Variants in PYROXD1 observed in about 807,000 individuals in gnomAD.
PYROXD1 encodes pyridine nucleotide-disulphide oxidoreductase domain 1, also known as tRNA ligase complex-associated NAD(P)H dehydrogenase PYROXD1.
A neutral mutation model predicts 62.0 loss-of-function variants in PYROXD1; 42 were observed. The observed-to-expected ratio is 0.68, with a 90% CI of 0.53 to 0.88. PYROXD1 has a LOEUF of 0.88. PYROXD1 is among the 40% of genes least tolerant of loss of function. PYROXD1 has a pLI of 0.00. For synonymous variants in PYROXD1, 170 were observed against 206.4 expected (o/e 0.82, Z 1.51); for missense variants, 493 against 604.8 (o/e 0.82, Z 1.94).
In PYROXD1 at chr12:21,467,636, A is replaced by G; in HGVS notation, c.1254+18A>G. 1 of 1,582,144 alleles carries G rather than the reference A, an allele frequency of 6.3e-7. No individual in the cohort carries two copies. Among genetic ancestry groups the G allele is most frequent in the Non-Finnish European group, 8.6e-7 (1 of 1,156,116 alleles). On this transcript the variant is annotated intron_variant, in intron 11 of 11. Transcript: ENST00000240651. Reference sequence around the variant, plus strand: ...ACTATAAGGTAAGATAGTTAAGCATATTAATGCCTTCTCTGCTTGTTAGTC... The same window carrying G: ...ACTATAAGGTAAGATAGTTAAGCATGTTAATGCCTTCTCTGCTTGTTAGTC...
intron 10 of PYROXD1, among the ~76,000 whole-genome samples, chr12:21,464,019 C>T (rs1942746052): frequency 6.6e-6 from 1 of 152,154 alleles, no homozygotes; most frequent in East Asian, 1.9e-4. Flanking sequence ...ATTTTGTGTT[C>T]TTACAGACAG....
intron 2 of PYROXD1, among the ~76,000 whole-genome samples, chr12:21,442,934 G>A (rs370914823): frequency 6.6e-6 from 1 of 152,184 alleles, no homozygotes; most frequent in East Asian, 1.9e-4. Context: ...CCATTTTCAT[G>A]CTCCACTGTG....
Position 21,455,957 on chromosome 12 carries a change from T to C in PYROXD1, c.650-38T>C, listed in dbSNP as rs2302500. On this transcript the variant is annotated intron_variant, in intron 6 of 11. Transcript: ENST00000240651. ...TTCAGAACACTAACATATTTCTCTA[T>C]CTGGTAATTTTTATATTATTTAATT... 0.49 allele frequency: 644,466 copies of C among 1,317,928 alleles called. 158,720 individuals carry two copies. The highest frequency in any genetic ancestry group is 0.56 in the Middle Eastern group (2,745 of 4,928). 81.6% of individuals were successfully genotyped at this position (1,317,928 alleles called of 1,614,324 possible). A position where few individuals can be genotyped will look rare whatever the true frequency, so the allele number is the denominator to read the frequency against.
chr12:21,449,284 T>G (rs1942447479), intron 3 of PYROXD1, among the ~76,000 whole-genome samples: 1 of 152,160 alleles, frequency 6.6e-6, no homozygotes, highest in Admixed American at 6.5e-5. Context: ...ATACAAAACT[T>G]TGTGTGAATG....
At chr12:21,466,925 A>C (rs1427716447) in intron 10 of PYROXD1, among the ~76,000 whole-genome samples, 1 of 152,144 alleles carries the variant, frequency 6.6e-6, no homozygotes, top group Non-Finnish European at 1.5e-5. Flanking sequence ...AAAACTTCAT[A>C]GAAATAAAAT....
Position 21,468,529 on chromosome 12 carries a change from T to G in PYROXD1, c.1278T>G (p.Asn426Lys). Residue 426 changes from asparagine to lysine, a missense_variant, in exon 12 of 12, where the codon AAT becomes AAG. Transcript: ENST00000240651. ...AGGTTGTACTGCTGGGAAAATACAA[T>G]GCACAGGGCTTAGGTTCAGATCATG... is the stretch of plus-strand genomic sequence containing the variant. ...NYKVVLLGKY[N>K]AQGLGSDHEL... The G allele has an allele frequency of 6.2e-7, 1 of 1,612,444 alleles. No homozygotes were observed. Among genetic ancestry groups the G allele is most frequent in the Non-Finnish European group, 8.5e-7 (1 of 1,178,904 alleles).
chr12:21,456,151 C>A, intron 7 of PYROXD1, 56 bp downstream of exon 7: 1 of 1,102,248 alleles, frequency 9.1e-7, no homozygotes, highest in Non-Finnish European at 1.3e-6. Context: ...ATTCTTGAAC[C>A]ATTTATTAAA....
intron 4 of PYROXD1, among the ~76,000 whole-genome samples, chr12:21,449,922 G>T (rs1447938846): frequency 6.6e-6 from 1 of 150,490 alleles, no homozygotes; most frequent in Admixed American, 6.6e-5. Flanking sequence ...CAGTGGCGCA[G>T]TCTCGGCTCA....
In PYROXD1 at chr12:21,461,994, T is replaced by G. The variant is rs1341054446; in HGVS notation, c.881-14T>G. 1.3e-6 allele frequency: 2 copies of G among 1,583,192 alleles called. No homozygotes were observed. Among genetic ancestry groups the G allele is most frequent in the African/African-American group, 1.3e-5 (1 of 74,100 alleles). On this transcript the variant is annotated splice_polypyrimidine_tract_variant and intron_variant, in intron 8 of 11. Transcript: ENST00000240651. ...ACAAATAAAGTCTGTTTTTTTGGTT[T>G]TTTTTTCTTAAAGAGATGTGGCCTG...
chr12:21,463,000 T>TA lies in PYROXD1; in HGVS notation c.1116+148dup, dbSNP rs574532434. ...AGCTAGCACAGTTGTTATATATATT[T>TA]AAAAAAAAAACTAGAATATTTCCCT... is the stretch of plus-strand genomic sequence containing the variant. On this transcript the variant is annotated intron_variant, in intron 10 of 11. Transcript: ENST00000240651. 3,400 of 638,868 alleles carry TA rather than the reference T, an allele frequency of 5.3e-3. 1 individual carries two copies. Among genetic ancestry groups the TA allele is most frequent in the Non-Finnish European group, 5.6e-3 (2,318 of 415,552 alleles). The allele number at this position is 638,868 out of a possible 1,614,324, so 39.6% of individuals were successfully genotyped here.
In PYROXD1 at chr12:21,455,124, GT is replaced by G; in HGVS notation, c.489-3del. 3 of 1,382,422 alleles carry G rather than the reference GT, an allele frequency of 2.2e-6. No homozygotes were observed. Among genetic ancestry groups the G allele is most frequent in the South Asian group, 3.8e-5 (2 of 52,224 alleles). 85.6% of individuals were successfully genotyped at this position (1,382,422 alleles called of 1,614,324 possible). ...AATCACTCTTAGTAACTTTAACATT[GT>G]TTTTAGGTATGAAATTGAAGGCTGT... On this transcript the variant is annotated splice_region_variant and splice_polypyrimidine_tract_variant and intron_variant, in intron 5 of 11. Coordinates refer to ENST00000240651, the MANE Select transcript of PYROXD1 (RefSeq NM_024854.5).
intron 1 of PYROXD1, among the ~76,000 whole-genome samples, chr12:21,439,197 A>C (rs1258983237): frequency 1.3e-5 from 2 of 152,192 alleles, no homozygotes; most frequent in Non-Finnish European, 2.9e-5. Flanking sequence ...AGAATTTACA[A>C]GTAGTCAAAT....
At chr12:21,440,555 T>G in intron 2 of PYROXD1, 107 bp downstream of exon 2, 1 of 650,938 alleles carries the variant, frequency 1.5e-6, no homozygotes, top group South Asian at 2.0e-5. Context: ...AATTGACAAG[T>G]ACAGTTATAT....
chr12:21,437,828 C>T lies in PYROXD1; in HGVS notation c.84+14C>T, dbSNP rs777610826. 3 of 1,607,952 alleles carry T rather than the reference C, an allele frequency of 1.9e-6. No homozygotes were observed. The highest frequency in any genetic ancestry group is 1.7e-5 in the Admixed American group (1 of 59,308). On this transcript the variant is annotated intron_variant, in intron 1 of 11. Coordinates refer to ENST00000240651, the MANE Select transcript of PYROXD1 (RefSeq NM_024854.5). Reference sequence around the variant, plus strand: ...TGTGCGGAGCAGGTAGGGCGGTGCTCAGGCGGTTCCGCCTCTTTCCCCGAC... The same window carrying T: ...TGTGCGGAGCAGGTAGGGCGGTGCTTAGGCGGTTCCGCCTCTTTCCCCGAC...
intron 5 of PYROXD1, among the ~76,000 whole-genome samples, chr12:21,453,662 C>G (rs1157840123): frequency 1.3e-5 from 2 of 151,952 alleles, no homozygotes; most frequent in Admixed American, 1.3e-4. Context: ...TCAAACTGTG[C>G]ATCTTGCTGA....
Position 21,468,660 on chromosome 12 carries a change from C to A in PYROXD1, c.1409C>A (p.Thr470Lys). 6.2e-7 allele frequency: 1 copy of A among 1,612,584 alleles called. No individual in the cohort carries two copies. Among genetic ancestry groups the A allele is most frequent in the Non-Finnish European group, 8.5e-7 (1 of 1,179,160 alleles). Residue 470 changes from threonine (T) to lysine (K), a missense_variant, in exon 12 of 12, where the codon ACA becomes AAA. Thr to Lys is a moderately conservative substitution (Grantham distance 78). Coordinates refer to ENST00000240651, the MANE Select transcript of PYROXD1 (RefSeq NM_024854.5). The stretch of plus-strand genomic sequence containing the variant: ...ATTGGTGAAACCGATTTAGAAGAAA[C>A]ATTTGAAAACCTAATCTTAAACCAA... ...VLIGETDLEE[T>K]FENLILNQMN...
At position 21,469,196 on chromosome 12, in the gene PYROXD1, A is replaced by C. The variant is rs1344462885; in HGVS notation, c.*442A>C. On this transcript the variant is annotated 3_prime_UTR_variant, in exon 12 of 12. Transcript: ENST00000240651. ...GAGATGTAGCAATATCTCGTTTGCT[A>C]ATATTTATATTGATGACTTACTCCT... The C allele has an allele frequency of 6.1e-6, 1 of 162,756 alleles. No individual in the cohort carries two copies. The highest frequency in any genetic ancestry group is 2.4e-5 in the African/African-American group (1 of 41,442). 10.1% of individuals were successfully genotyped at this position (162,756 alleles called of 1,614,324 possible).
intron 5 of PYROXD1, chr12:21,454,825 A>G (rs536644901): frequency 5.1e-5 from 9 of 174,974 alleles, no homozygotes; most frequent in Non-Finnish European, 1.1e-4. Flanking sequence ...TTCATATAAT[A>G]AGTGTATTGT....
At chr12:21,462,157 T>C (rs745538882) in intron 9 of PYROXD1, 37 bp downstream of exon 9, 6 of 1,184,586 alleles carry the variant, frequency 5.1e-6, no homozygotes, top group South Asian at 1.3e-5. Context: ...GTGAATATAT[T>C]TGAAGTATTT....
Sources: gnomAD v4.1 joint callset for allele counts (sites outside exome capture counted in the v4.1 genomes callset) on GRCh38, gnomAD v4.1.1 for gene constraint, MANE v1.5 for transcripts, NCBI Gene and HGNC (gene_info 2026-07-23, HGNC 2026-07-21) for gene names.